Variants in DNAH5 observed in about 807,000 individuals in gnomAD.
DNAH5 encodes dynein axonemal heavy chain 5.
In DNAH5, 372 loss-of-function variants were observed where a neutral mutation model predicts 518.2. The ratio of observed to expected loss-of-function variants is 0.72; its 90% CI spans 0.66 to 0.78. DNAH5 has a LOEUF of 0.78. Among genes scored for constraint, DNAH5 ranks in the 30% least tolerant of loss-of-function variants. DNAH5 has a pLI of 0.00. For synonymous variants in DNAH5, 2,039 were observed against 2,025.9 expected (o/e 1.01, Z -0.17); for missense variants, 5,523 against 5,687.0 (o/e 0.97, Z 0.93).
chr5:13,820,511 A>T lies in DNAH5; in HGVS notation c.6688-12T>A. The T allele has an allele frequency of 6.2e-7, 1 of 1,613,724 alleles. No individual in the cohort carries two copies. Among genetic ancestry groups the T allele is most frequent in the South Asian group, 1.1e-5 (1 of 91,070 alleles). ...CCAGCTTCTTCAACCTGAAAACATA[A>T]GAGAATCCCCACATTGAAACACAAC... On this transcript the variant is annotated splice_polypyrimidine_tract_variant and intron_variant, in intron 40 of 78. Transcript: ENST00000265104.
intron 76 of DNAH5, among the ~76,000 whole-genome samples, chr5:13,703,661 G>A (rs1742416422): frequency 6.6e-6 from 1 of 152,100 alleles, no homozygotes; most frequent in African/African-American, 2.4e-5. Flanking sequence ...TAGCCTGTTG[G>A]GAGGTGCCTT....
chr5:13,832,902 A>G (rs1271819641), intron 35 of DNAH5, among the ~76,000 whole-genome samples: 2 of 152,210 alleles, frequency 1.3e-5, no homozygotes, highest in Non-Finnish European at 1.5e-5. Context: ...TATCACCAGC[A>G]TTCATCGTAA....
intron 1 of DNAH5, among the ~76,000 whole-genome samples, chr5:13,940,733 G>A (rs1779382988): frequency 6.6e-6 from 1 of 152,158 alleles, no homozygotes; most frequent in Admixed American, 6.5e-5. Flanking sequence ...GTTCTCACTT[G>A]AGGTAGAAAC....
At chr5:13,899,348 CCCAG>C (rs1561531923) in intron 15 of DNAH5, 1 of 152,396 alleles carries the variant, frequency 6.6e-6, no homozygotes, top group Non-Finnish European at 1.5e-5. Flanking sequence ...CAATGCTTGG[CCCAG>C]TGGCCCTCCA....
intron 1 of DNAH5, among the ~76,000 whole-genome samples, chr5:14,003,187 A>G (rs1250951959): frequency 2.0e-5 from 3 of 152,196 alleles, no homozygotes; most frequent in Non-Finnish European, 2.9e-5. Flanking sequence ...TCTATAAATT[A>G]TATTCTTGCT....
At chr5:13,820,911 G>A (rs1313901922) in intron 40 of DNAH5, among the ~76,000 whole-genome samples, 1 of 151,760 alleles carries the variant, frequency 6.6e-6, no homozygotes, top group Non-Finnish European at 1.5e-5. Context: ...GGAGGAAGGA[G>A]GAGGATTTAC....
intron 21 of DNAH5, among the ~76,000 whole-genome samples, chr5:13,881,483 T>G (rs553038733): frequency 2.3e-4 from 35 of 151,918 alleles, no homozygotes; most frequent in East Asian, 1.4e-3. Context: ...ACCAAGCGTA[T>G]GAAACTAGAA....
Position 13,793,689 on chromosome 5 carries a change from C to T in DNAH5, c.8050G>A (p.Gly2684Arg). ...EIVRQLMEQN[G>R]FYNLEKPGEF... Reference sequence around the variant, plus strand: ...CCAGGCTTCTCTAGATTATAGAATCCATTTTGTTCCATCAGCTGTCGCACT... The same window carrying T: ...CCAGGCTTCTCTAGATTATAGAATCTATTTTGTTCCATCAGCTGTCGCACT... Residue 2684 changes from glycine to arginine, a missense_variant, in exon 49 of 79, where the codon GGA becomes AGA. Physicochemically the swap from Gly to Arg is moderately radical, Grantham distance 125. Transcript: ENST00000265104. 6.2e-7 allele frequency: 1 copy of T among 1,614,088 alleles called. No homozygotes were observed. The highest frequency in any genetic ancestry group is 8.5e-7 in the Non-Finnish European group (1 of 1,180,030).
chr5:13,864,613 C>G lies in DNAH5; in HGVS notation c.4380G>C (p.Leu1460Phe), dbSNP rs267600368. The stretch of plus-strand genomic sequence containing the variant: ...GGTCCAAAAAAGCCTGCCAGTCCTT[C>G]AAGGCCCGGGGAAGCTTTCGACATC... ...QNRCRKLPRA[L>F]KDWQAFLDLK... The change falls in exon 28 of 79, where the codon TTG becomes TTC. Residue 1460 changes from leucine (L) to phenylalanine (F), a missense_variant. Leu to Phe is a conservative substitution (Grantham distance 22). Transcript: ENST00000265104. 1.9e-5 allele frequency: 30 copies of G among 1,614,134 alleles called. No homozygotes were observed. Among genetic ancestry groups the G allele is most frequent in the Non-Finnish European group, 2.5e-5 (30 of 1,180,012 alleles).
At chr5:13,785,326 C>A (rs1341635988) in intron 52 of DNAH5, among the ~76,000 whole-genome samples, 2 of 152,138 alleles carry the variant, frequency 1.3e-5, no homozygotes, top group African/African-American at 4.8e-5. Flanking sequence ...TCCTGCTGTG[C>A]AGCCCTGCTC....
At chr5:13,802,194 T>C (rs1758861111) in intron 47 of DNAH5, among the ~76,000 whole-genome samples, 1 of 152,204 alleles carries the variant, frequency 6.6e-6, no homozygotes, top group South Asian at 2.1e-4. Flanking sequence ...TTATGCAATT[T>C]ATGAAACCTA....
chr5:13,753,899 C>A (rs973746400), intron 62 of DNAH5, among the ~76,000 whole-genome samples: 1 of 152,110 alleles, frequency 6.6e-6, no homozygotes, highest in East Asian at 1.9e-4. Flanking sequence ...TCACAGAATT[C>A]TAAAGTGACC....
chr5:13,984,131 A>G (rs1419586971), intron 1 of DNAH5, among the ~76,000 whole-genome samples: 1 of 152,192 alleles, frequency 6.6e-6, no homozygotes, highest in Non-Finnish European at 1.5e-5. Context: ...AGGAAGCATG[A>G]CGGAGACATG....
chr5:13,770,883 A>C lies in DNAH5; in HGVS notation c.9471T>G (p.Ala3157=). 1 of 1,614,064 alleles carries C rather than the reference A, an allele frequency of 6.2e-7. No individual in the cohort carries two copies. The highest frequency in any genetic ancestry group is 8.5e-7 in the Non-Finnish European group (1 of 1,179,964). The part of the protein sequence containing the change: ...QCMGSFQDGV[A]EKCVDYFQRF... ...TCTGAAAATAATCAACACACTTCTC[A>C]GCCACCCCATCCTGGAAGGAGCCCA... The change falls in exon 56 of 79, where the codon GCT becomes GCG. Residue 3157 remains alanine, a synonymous_variant. Coordinates refer to ENST00000265104, the MANE Select transcript of DNAH5 (RefSeq NM_001369.3).
chr5:13,793,431 T>A, intron 49 of DNAH5, 84 bp downstream of exon 49: 1 of 1,154,188 alleles, frequency 8.7e-7, no homozygotes, highest in South Asian at 1.2e-5. Flanking sequence ...TCTTTCTGTG[T>A]GGGTCTTGGG....
intron 43 of DNAH5, among the ~76,000 whole-genome samples, chr5:13,812,996 T>C (rs1028278370): frequency 2.0e-5 from 3 of 152,174 alleles, no homozygotes; most frequent in Non-Finnish European, 4.4e-5. Flanking sequence ...AAAGACGACA[T>C]TCACTAGGGC....
chr5:13,835,967 G>A (rs1764329417), intron 35 of DNAH5, among the ~76,000 whole-genome samples: 2 of 152,150 alleles, frequency 1.3e-5, no homozygotes, highest in African/African-American at 4.8e-5. Context: ...AAGCACTGCT[G>A]ACCAAATTGA....
chr5:13,873,189 C>T lies in DNAH5; in HGVS notation c.3397-1424G>A, dbSNP rs114743639. 3.3e-3 allele frequency among the ~76,000 whole-genome samples: 502 copies of T among 152,198 alleles called. 2 individuals carry two copies. The highest frequency in any genetic ancestry group is 0.011 in the African/African-American group (471 of 41,526). ...AAAGAATGTTCTTTGTAGAGTTTGG[C>T]CTGATTTTTGTAGAGTTTATCTTTG... On this transcript the variant is annotated intron_variant, in intron 22 of 78. Coordinates refer to ENST00000265104, the MANE Select transcript of DNAH5 (RefSeq NM_001369.3).
chr5:13,755,778 A>C lies in DNAH5; in HGVS notation c.10420-1440T>G, dbSNP rs148482034. 2.7e-3 allele frequency among the ~76,000 whole-genome samples: 406 copies of C among 152,250 alleles called. 4 individuals are homozygous for C. The highest frequency in any genetic ancestry group is 9.4e-3 in the African/African-American group (392 of 41,562). The stretch of plus-strand genomic sequence containing the variant: ...CTACATTGTTTATTAGAAAAAAAAA[A>C]CTTTTTATTTGTAACATACTTTTAA... On this transcript the variant is annotated intron_variant, in intron 61 of 78. Coordinates refer to ENST00000265104, the MANE Select transcript of DNAH5 (RefSeq NM_001369.3).
Sources: gnomAD v4.1 joint callset for allele counts (sites outside exome capture counted in the v4.1 genomes callset) on GRCh38, gnomAD v4.1.1 for gene constraint, MANE v1.5 for transcripts, NCBI Gene and HGNC (gene_info 2026-07-23, HGNC 2026-07-21) for gene names.